The following BNC2 variants were observed in gnomAD, a reference collection of about 807,000 sequenced individuals.
BNC2 encodes the protein zinc finger protein basonuclin-2.
A neutral mutation model predicts 76.3 loss-of-function variants in BNC2; 20 were observed. The ratio of observed to expected loss-of-function variants is 0.26; its 90% CI spans 0.18 to 0.38. The LOEUF is 0.38. Among genes scored for constraint, BNC2 ranks in the 10% least tolerant of loss-of-function variants. The probability of loss-of-function intolerance (pLI) is 1.00; values close to 1 mark genes in which losing one functional copy is unlikely to be tolerated. For missense variants in BNC2, 1,382 were observed against 1,399.8 expected (o/e 0.99, Z 0.20); for synonymous variants, 582 against 514.8 (o/e 1.13, Z -1.77).
rs911373651 is a variant in BNC2, at chr9:16,658,342, A to C, written c.330+69455T>G. Among the ~76,000 whole-genome samples the C allele has an allele frequency of 2.0e-5, 3 of 152,228 alleles. No individual in the cohort carries two copies. The South Asian group carries it at 6.2e-4, about 32-fold the overall frequency. ...GTACTGTAAGGGAGAGGGGGAAAAA[A>C]GAAAACAAAACTTTAAACAGCCCAG... is the stretch of plus-strand genomic sequence containing the variant. On this transcript the variant is annotated intron_variant, in intron 3 of 6. Coordinates refer to ENST00000380672, the MANE Select transcript of BNC2 (RefSeq NM_017637.6).
At chr9:16,487,092 G>A (rs1822180663) in intron 5 of BNC2, among the ~76,000 whole-genome samples, 1 of 152,200 alleles carries the variant, frequency 6.6e-6, no homozygotes. Context: ...TTTTACAGAT[G>A]AGAAAAGAGA....
intron 1 of BNC2, among the ~76,000 whole-genome samples, chr9:16,835,916 C>A (rs1349280920): frequency 6.6e-6 from 1 of 152,114 alleles, no homozygotes; most frequent in Non-Finnish European, 1.5e-5. Context: ...TAGGATAAAT[C>A]TTTCAACTGC....
At position 16,701,457 on chromosome 9, in the gene BNC2, T is replaced by C. The variant is rs551875132; in HGVS notation, c.330+26340A>G. Reference sequence around the variant, plus strand: ...CATAAATAAGATATCATGACTAGCATCCCTAGCACACTATGTGTGCTAAAA... The same window carrying C: ...CATAAATAAGATATCATGACTAGCACCCCTAGCACACTATGTGTGCTAAAA... On this transcript the variant is annotated intron_variant, in intron 3 of 6. Coordinates refer to ENST00000380672, the MANE Select transcript of BNC2 (RefSeq NM_017637.6). Among the ~76,000 whole-genome samples, 4 of 152,314 alleles carry C rather than the reference T, an allele frequency of 2.6e-5. No homozygotes were observed. In the South Asian group the frequency reaches 6.2e-4, roughly 24 times the overall value.
intron 3 of BNC2, among the ~76,000 whole-genome samples, chr9:16,720,445 G>A (rs1457167742): frequency 2.0e-5 from 3 of 152,110 alleles, no homozygotes. Flanking sequence ...AACCAAATAT[G>A]AATGAGATTT....
intron 5 of BNC2, among the ~76,000 whole-genome samples, chr9:16,513,938 G>A (rs1330624863): frequency 6.6e-6 from 1 of 152,166 alleles, no homozygotes; most frequent in Admixed American, 6.5e-5. Context: ...TGCCCTATGA[G>A]ATTAAATGTT....
intron 6 of BNC2, among the ~76,000 whole-genome samples, chr9:16,425,077 G>T (rs1820778937): frequency 6.6e-6 from 1 of 152,112 alleles, no homozygotes; most frequent in Non-Finnish European, 1.5e-5. Flanking sequence ...AGCCCCAAAT[G>T]TAAGGAAGTA....
chr9:16,422,621 A>C (rs538684941), intron 6 of BNC2, among the ~76,000 whole-genome samples: 70 of 152,328 alleles, frequency 4.6e-4, no homozygotes, highest in African/African-American at 1.6e-3. Context: ...GGAAGGATGG[A>C]CTGAGGAAAG....
intron 1 of BNC2, among the ~76,000 whole-genome samples, chr9:16,805,404 G>A (rs371038902): frequency 3.3e-5 from 5 of 151,800 alleles, no homozygotes; most frequent in East Asian, 2.0e-4. Context: ...TCAGCTCACC[G>A]CAACCTCCGC....
chr9:16,783,097 A>T (rs10116469), intron 1 of BNC2, among the ~76,000 whole-genome samples: 18,331 of 152,192 alleles, frequency 0.12, 1,375 homozygotes, highest in East Asian at 0.32. Flanking sequence ...ATATCCAATA[A>T]CAGGGTATTA....
chr9:16,498,017 G>GTA (rs1554653671), intron 5 of BNC2, among the ~76,000 whole-genome samples: 1 of 141,236 alleles, frequency 7.1e-6, no homozygotes, highest in African/African-American at 3.0e-5. Context: ...GTGTGTGTGT[G>GTA]TATGTATTCC....
chr9:16,629,036 T>C (rs1262445530), intron 3 of BNC2, among the ~76,000 whole-genome samples: 2 of 152,250 alleles, frequency 1.3e-5, no homozygotes, highest in East Asian at 1.9e-4. Context: ...GTTGTCATTC[T>C]TGACTTTTCC....
At chr9:16,499,208 T>C (rs1415833128) in intron 5 of BNC2, among the ~76,000 whole-genome samples, 1 of 152,116 alleles carries the variant, frequency 6.6e-6, no homozygotes, top group Non-Finnish European at 1.5e-5. Context: ...TCTTAGTAAA[T>C]CTTCCAAGGT....
chr9:16,614,958 T>TTAAAA (rs1820655766), intron 3 of BNC2, among the ~76,000 whole-genome samples: 1 of 62,520 alleles, frequency 1.6e-5, no homozygotes, highest in African/African-American at 6.6e-5. Flanking sequence ...TCTGTCTCTT[T>TTAAAA]AAAAAAAAAA....
chr9:16,572,970 T>A (rs1386796478), intron 4 of BNC2, among the ~76,000 whole-genome samples: 1 of 152,104 alleles, frequency 6.6e-6, no homozygotes, highest in Non-Finnish European at 1.5e-5. Context: ...GGCTCACAGC[T>A]GTAATCTCAG....
chr9:16,620,087 A>C (rs958695056), intron 3 of BNC2, among the ~76,000 whole-genome samples: 1 of 152,228 alleles, frequency 6.6e-6, no homozygotes, highest in Non-Finnish European at 1.5e-5. Context: ...TCATGTAATG[A>C]ATGACAGAAC....
At position 16,445,963 on chromosome 9, in the gene BNC2, A is replaced by C. The variant is rs566742336; in HGVS notation, c.670-8439T>G. On this transcript the variant is annotated intron_variant, in intron 5 of 6. Coordinates refer to ENST00000380672, the MANE Select transcript of BNC2 (RefSeq NM_017637.6). Reference sequence around the variant, plus strand: ...GAATGCTACAGGAATATCCACCATTAGTTAGAATGTTGGGGCTCTCAGAAA... The same window carrying C: ...GAATGCTACAGGAATATCCACCATTCGTTAGAATGTTGGGGCTCTCAGAAA... 1.4e-4 allele frequency among the ~76,000 whole-genome samples: 21 copies of C among 152,322 alleles called. No homozygotes were observed. In the South Asian group the frequency reaches 3.9e-3, roughly 29 times the overall value.
At chr9:16,630,865 G>A (rs1029030750) in intron 3 of BNC2, among the ~76,000 whole-genome samples, 1 of 151,538 alleles carries the variant, frequency 6.6e-6, no homozygotes, top group South Asian at 2.1e-4. Context: ...TCAGCCTCTC[G>A]AGTAGCTGGG....
rs1164221798 is a variant in BNC2, at chr9:16,415,066, G to C, written c.*3923C>G. ...ACAGTGGCACCATTGTGCCAAAAAG[G>C]TTTTAAAAAATGTTTGCCATGTTGA... On this transcript the variant is annotated 3_prime_UTR_variant, in exon 7 of 7. Transcript: ENST00000380672. 2 of 152,034 alleles carry C rather than the reference G, an allele frequency of 1.3e-5. No homozygotes were observed. The highest frequency in any genetic ancestry group is 2.9e-5 in the Non-Finnish European group (2 of 68,004). 9.4% of individuals were successfully genotyped at this position (152,034 alleles called of 1,614,324 possible).
intron 5 of BNC2, among the ~76,000 whole-genome samples, chr9:16,504,776 G>A (rs1331144427): frequency 6.6e-6 from 1 of 152,194 alleles, no homozygotes; most frequent in East Asian, 1.9e-4. Flanking sequence ...GAGGCCAGCT[G>A]TTCGAGGTTG....
Sources: allele counts gnomAD v4.1 joint callset (sites outside exome capture counted in the v4.1 genomes callset), GRCh38; gene constraint gnomAD v4.1.1; transcripts MANE v1.5; gene names NCBI Gene and HGNC (gene_info 2026-07-23, HGNC 2026-07-21).